PCED1B: variants seen among roughly 807,000 people sequenced by gnomAD.
PCED1B encodes PC-esterase domain containing 1B.
For missense variants in PCED1B, 573 were observed against 573.9 expected (o/e 1.00, Z 0.02); for synonymous variants, 251 against 246.1 (o/e 1.02, Z -0.19).
At chr12:47,208,671 G>T (rs1238751352) in intron 2 of PCED1B, 1 of 152,004 alleles carries the variant, frequency 6.6e-6, no homozygotes, top group African/African-American at 2.4e-5. Flanking sequence ...ACCCTGCCCA[G>T]GCTATTTTTA....
chr12:47,164,658 G>T (rs1941488144), intron 2 of PCED1B, among the ~76,000 whole-genome samples: 1 of 152,230 alleles, frequency 6.6e-6, no homozygotes, highest in South Asian at 2.1e-4. Context: ...CCCTGTGGGA[G>T]CTCCTCTGGT....
intron 2 of PCED1B, among the ~76,000 whole-genome samples, chr12:47,122,896 TG>T (rs1166242988): frequency 6.6e-6 from 1 of 152,204 alleles, no homozygotes; most frequent in East Asian, 1.9e-4. Flanking sequence ...ACTGACCTCC[TG>T]GAGATTATAA....
intron 1 of PCED1B, among the ~76,000 whole-genome samples, chr12:47,095,885 T>C (rs1938465489): frequency 6.6e-6 from 1 of 152,200 alleles, no homozygotes; most frequent in African/African-American, 2.4e-5. Flanking sequence ...TTTTGGCTCA[T>C]TTGTGGGTCA....
intron 1 of PCED1B, among the ~76,000 whole-genome samples, chr12:47,080,448 C>T (rs1160757643): frequency 1.3e-5 from 2 of 152,136 alleles, no homozygotes; most frequent in African/African-American, 2.4e-5. Context: ...TCTGGGTTTA[C>T]AAAATAAACC....
At chr12:47,131,515 G>A (rs1043698099) in intron 2 of PCED1B, among the ~76,000 whole-genome samples, 2 of 152,156 alleles carry the variant, frequency 1.3e-5, no homozygotes, top group Non-Finnish European at 2.9e-5. Flanking sequence ...GGCTGGAATT[G>A]TTCCAGATAA....
chr12:47,234,350 T>G (rs1255013626), intron 3 of PCED1B, among the ~76,000 whole-genome samples: 3 of 152,228 alleles, frequency 2.0e-5, no homozygotes, highest in Non-Finnish European at 4.4e-5. Context: ...TGCATTTCAT[T>G]TAATTCTTTT....
intron 3 of PCED1B, chr12:47,224,112 C>T (rs963283238): frequency 1.3e-5 from 2 of 152,094 alleles, no homozygotes; most frequent in Non-Finnish European, 2.9e-5. Context: ...GATGCAAGAC[C>T]ATCATGTAGA....
chr12:47,166,026 T>TTGATTAAACGCTA (rs1323619601), intron 2 of PCED1B, among the ~76,000 whole-genome samples: 1 of 152,160 alleles, frequency 6.6e-6, no homozygotes, highest in East Asian at 1.9e-4. Context: ...ACCACGAGAC[T>TTGATTAAACGCTA]TGATTAAACG....
At chr12:47,147,190 T>C (rs1195559337) in intron 2 of PCED1B, among the ~76,000 whole-genome samples, 1 of 151,940 alleles carries the variant, frequency 6.6e-6, no homozygotes, top group African/African-American at 2.4e-5. Context: ...TGTTTGTTTG[T>C]TTTTTCAGTA....
chr12:47,183,140 C>CCCAATTAGGGAATGAACTTTTG (rs1942148833), intron 2 of PCED1B, among the ~76,000 whole-genome samples: 1 of 151,920 alleles, frequency 6.6e-6, no homozygotes, highest in Non-Finnish European at 1.5e-5. Flanking sequence ...GTGTTAGCTA[C>CCCAATTAGGGAATGAACTTTTG]CCAATTAGGG....
chr12:47,134,728 C>T (rs1490024546), intron 2 of PCED1B, among the ~76,000 whole-genome samples: 10 of 151,990 alleles, frequency 6.6e-5, no homozygotes, highest in Non-Finnish European at 1.0e-4. Context: ...ATTAGCTGGG[C>T]GTGGTGGCGG....
Position 47,198,592 on chromosome 12 carries a change from C to CA in PCED1B, c.-525-17620dup, listed in dbSNP as rs372300576. 9.1e-3 allele frequency among the ~76,000 whole-genome samples: 1,316 copies of CA among 144,972 alleles called. 20 individuals are homozygous for CA. The highest frequency in any genetic ancestry group is 0.031 in the African/African-American group (1,239 of 39,504). Reference sequence around the variant, plus strand: ...ACCAAAAAAACAAAAAACAAACAAACAAAAAAAAAAGCAAGGTAAACGGAT... The same window carrying CA: ...ACCAAAAAAACAAAAAACAAACAAACAAAAAAAAAAAGCAAGGTAAACGGAT... On this transcript the variant is annotated intron_variant, in intron 2 of 3. Coordinates refer to ENST00000546455, the MANE Select transcript of PCED1B (RefSeq NM_138371.3).
intron 1 of PCED1B, among the ~76,000 whole-genome samples, chr12:47,082,412 G>A (rs1383200024): frequency 2.0e-5 from 3 of 152,186 alleles, no homozygotes; most frequent in Admixed American, 2.0e-4. Context: ...AAGAGAAAGA[G>A]GAGTCCTGTA....
chr12:47,234,367 A>G (rs1296791655), intron 3 of PCED1B, among the ~76,000 whole-genome samples: 1 of 152,248 alleles, frequency 6.6e-6, no homozygotes, highest in Non-Finnish European at 1.5e-5. Flanking sequence ...TTTTAAAGTT[A>G]TAACAAGCGA....
intron 2 of PCED1B, among the ~76,000 whole-genome samples, chr12:47,205,349 T>C (rs1942880916): frequency 1.3e-5 from 2 of 152,178 alleles, no homozygotes; most frequent in Admixed American, 1.3e-4. Context: ...ATAGTGACGT[T>C]ATCCCCAGGA....
At chr12:47,085,604 C>CA (rs1937940633) in intron 1 of PCED1B, among the ~76,000 whole-genome samples, 2 of 151,292 alleles carry the variant, frequency 1.3e-5, no homozygotes, top group South Asian at 2.1e-4. Context: ...GGTGACAAAG[C>CA]AAAAAAATTA....
chr12:47,079,951 G>T (rs1489587573), intron 1 of PCED1B: 1 of 151,688 alleles, frequency 6.6e-6, no homozygotes, highest in Non-Finnish European at 1.5e-5. Flanking sequence ...GCAGCAGCTC[G>T]GAGCCTGCGG....
At chr12:47,183,288 T>C (rs1474751274) in intron 2 of PCED1B, among the ~76,000 whole-genome samples, 1 of 152,240 alleles carries the variant, frequency 6.6e-6, no homozygotes, top group Non-Finnish European at 1.5e-5. Flanking sequence ...ACTTCTGAAC[T>C]GTCTATCTCT....
Position 47,108,172 on chromosome 12 carries a change from A to G in PCED1B, c.-526+3977A>G, listed in dbSNP as rs1020016502. Among the ~76,000 whole-genome samples the G allele has an allele frequency of 4.6e-5, 7 of 152,256 alleles. 1 individual carries two copies. Among genetic ancestry groups the G allele is most frequent in the Admixed American group, 1.3e-4 (2 of 15,300 alleles). On this transcript the variant is annotated intron_variant, in intron 2 of 3. Coordinates refer to ENST00000546455, the MANE Select transcript of PCED1B (RefSeq NM_138371.3). ...ATTTCCAGATAGACACAGGTGAGTA[A>G]GCATTGCTTTTTCCAGTTGGATAAC...
Sources: gnomAD v4.1 joint callset for allele counts (sites outside exome capture counted in the v4.1 genomes callset) on GRCh38, gnomAD v4.1.1 for gene constraint, MANE v1.5 for transcripts, NCBI Gene and HGNC (gene_info 2026-07-23, HGNC 2026-07-21) for gene names.